Variants in PCDH15 observed in about 807,000 individuals in gnomAD.
The protein encoded by PCDH15 is protocadherin-15.
PCDH15 carries 129 observed loss-of-function variants against 178.5 expected under a neutral mutation model. The observed-to-expected ratio is 0.72, with a 90% CI of 0.63 to 0.84. The LOEUF is 0.84. PCDH15 is among the 40% of genes least tolerant of loss of function. The pLI is 0.00. For missense variants in PCDH15, 2,230 were observed against 2,099.9 expected, an observed-to-expected ratio of 1.06 and a Z score of -1.21; for synonymous variants, 800 against 732.0, an observed-to-expected ratio of 1.09 and a Z score of -1.50.
intron 13 of PCDH15, among the ~76,000 whole-genome samples, chr10:54,171,130 T>G (rs2046863217): frequency 6.6e-6 from 1 of 152,102 alleles, no homozygotes; most frequent in Non-Finnish European, 1.5e-5. Flanking sequence ...ATTCCTCAGT[T>G]TAGCCTTCCC....
intron 2 of PCDH15, among the ~76,000 whole-genome samples, chr10:55,524,534 C>G (rs554260327): frequency 6.6e-6 from 1 of 151,246 alleles, no homozygotes; most frequent in Non-Finnish European, 1.5e-5. Context: ...TGTATTGCAC[C>G]TATTTCATTT....
intron 2 of PCDH15, among the ~76,000 whole-genome samples, chr10:54,996,833 G>A (rs536699589): frequency 6.6e-6 from 1 of 152,206 alleles, no homozygotes; most frequent in East Asian, 1.9e-4. Context: ...ACTGCTGGCT[G>A]GGCGCGGTGG....
chr10:54,432,026 T>A (rs1163554416), intron 3 of PCDH15, among the ~76,000 whole-genome samples: 1 of 151,784 alleles, frequency 6.6e-6, no homozygotes. Flanking sequence ...GCAAAAGATC[T>A]CTAGAATGAA....
intron 1 of PCDH15, among the ~76,000 whole-genome samples, chr10:55,257,552 C>T (rs536767989): frequency 3.4e-4 from 52 of 152,194 alleles, no homozygotes; most frequent in South Asian, 1.5e-3. Flanking sequence ...CTGAAAACTA[C>T]GGCACGAGAA....
chr10:53,996,402 G>A (rs933033785), intron 20 of PCDH15, among the ~76,000 whole-genome samples: 2 of 151,934 alleles, frequency 1.3e-5, no homozygotes, highest in Non-Finnish European at 2.9e-5. Flanking sequence ...CCAATTTGGC[G>A]CTATATATGC....
intron 2 of PCDH15, among the ~76,000 whole-genome samples, chr10:54,528,976 T>C (rs536946002): frequency 6.6e-6 from 1 of 152,176 alleles, no homozygotes; most frequent in South Asian, 2.1e-4. Flanking sequence ...GGCTATGTCA[T>C]GCAGTTATAC....
At chr10:54,437,228 T>A (rs1339791254) in intron 3 of PCDH15, among the ~76,000 whole-genome samples, 4 of 152,186 alleles carry the variant, frequency 2.6e-5, no homozygotes, top group Non-Finnish European at 5.9e-5. Flanking sequence ...GCTACATATA[T>A]CCTGCAGAGT....
intron 1 of PCDH15, among the ~76,000 whole-genome samples, chr10:54,731,876 G>C (rs541404860): frequency 6.6e-6 from 1 of 150,976 alleles, no homozygotes; most frequent in Admixed American, 6.6e-5. Context: ...ATAATATCTA[G>C]TGTTTGATAG....
intron 2 of PCDH15, among the ~76,000 whole-genome samples, chr10:55,032,711 GGGTGCCA>G (rs1376647784): frequency 3.3e-5 from 5 of 152,146 alleles, no homozygotes; most frequent in Admixed American, 1.3e-4. Flanking sequence ...TTGGATAGAC[GGGTGCCA>G]GGTGCTATTC....
intron 3 of PCDH15, among the ~76,000 whole-genome samples, chr10:54,523,929 A>G (rs1032009969): frequency 1.3e-5 from 2 of 152,192 alleles, no homozygotes; most frequent in Admixed American, 1.3e-4. Context: ...AGGGAATGGT[A>G]AAATCTAAGA....
chr10:54,489,625 G>C (rs73258123), intron 3 of PCDH15, among the ~76,000 whole-genome samples: 2,621 of 152,190 alleles, frequency 0.017, 71 homozygotes, highest in African/African-American at 0.06. Context: ...GCATACATTA[G>C]AGAGAAGAGA....
At chr10:54,260,404 T>TAAA in intron 8 of PCDH15, among the ~76,000 whole-genome samples, 1 of 119,504 alleles carries the variant, frequency 8.4e-6, no homozygotes, top group Non-Finnish European at 1.9e-5. Context: ...TTAAAAAAAT[T>TAAA]TATAGAAACT....
chr10:55,273,378 C>A (rs1461212461), intron 1 of PCDH15, among the ~76,000 whole-genome samples: 1 of 151,958 alleles, frequency 6.6e-6, no homozygotes, highest in Non-Finnish European at 1.5e-5. Flanking sequence ...CAGGCAATGG[C>A]CATTTATTAT....
chr10:54,464,872 A>G (rs960605610), intron 3 of PCDH15, among the ~76,000 whole-genome samples: 4 of 152,164 alleles, frequency 2.6e-5, no homozygotes, highest in Admixed American at 2.6e-4. Flanking sequence ...GTTAAAAAAG[A>G]TGTTTCACTA....
At chr10:55,574,064 C>A (rs1842454495) in intron 2 of PCDH15, among the ~76,000 whole-genome samples, 1 of 151,924 alleles carries the variant, frequency 6.6e-6, no homozygotes, top group Non-Finnish European at 1.5e-5. Context: ...AATGAAACAA[C>A]TGCTTTCAGA....
At chr10:54,212,264 A>G (rs576949380) in intron 10 of PCDH15, among the ~76,000 whole-genome samples, 1 of 152,112 alleles carries the variant, frequency 6.6e-6, no homozygotes, top group Admixed American at 6.6e-5. Flanking sequence ...AAAATAGTCA[A>G]TGTAAGAAGG....
At position 55,185,505 on chromosome 10, in the gene PCDH15, T is replaced by C. The variant is rs191932857; in HGVS notation, c.-155-18854A>G. ...TCTAGTAAGTTTTAGTTATCAAGAA[T>C]AAAGATTGCTAGGAGGAAGAGAAAT... On this transcript the variant is annotated intron_variant, in intron 1 of 5. Transcript: ENST00000458638. Among the ~76,000 whole-genome samples, 275 of 151,824 alleles carry C rather than the reference T, an allele frequency of 1.8e-3. 1 individual carries two copies. In the South Asian group the frequency reaches 0.02, roughly 11 times the overall value.
At chr10:54,728,595 A>G (rs1480811994) in intron 1 of PCDH15, among the ~76,000 whole-genome samples, 1 of 151,290 alleles carries the variant, frequency 6.6e-6, no homozygotes, top group East Asian at 1.9e-4. Flanking sequence ...ACAGAGGCAT[A>G]ATGCAAGAGG....
At chr10:55,192,804 T>TAC (rs1839979241) in intron 1 of PCDH15, among the ~76,000 whole-genome samples, 2 of 151,388 alleles carry the variant, frequency 1.3e-5, no homozygotes, top group African/African-American at 4.9e-5. Context: ...CATGCATACA[T>TAC]GTACATACAT....
Sources: gnomAD v4.1 joint callset for allele counts (sites outside exome capture counted in the v4.1 genomes callset) on GRCh38, gnomAD v4.1.1 for gene constraint, MANE v1.5 for transcripts, NCBI Gene and HGNC (gene_info 2026-07-23, HGNC 2026-07-21) for gene names.